SLC5A7: variants seen among roughly 807,000 people sequenced by gnomAD.
The protein encoded by SLC5A7 is high affinity choline transporter 1.
In SLC5A7, 19 loss-of-function variants were observed where a neutral mutation model predicts 55.4. That is an observed-to-expected ratio of 0.34 (90% CI 0.24 to 0.50). The LOEUF is 0.50. Among genes scored for constraint, SLC5A7 ranks in the 20% least tolerant of loss-of-function variants. The pLI, the probability that SLC5A7 is intolerant of heterozygous loss-of-function variation, is 0.98. For missense variants in SLC5A7, 506 were observed against 705.3 expected, an observed-to-expected ratio of 0.72 and a Z score of 3.20; for synonymous variants, 265 against 263.7, an observed-to-expected ratio of 1.00 and a Z score of -0.05.
At position 107,988,140 on chromosome 2, in the gene SLC5A7, G is replaced by A. The variant is rs1677317072; in HGVS notation, c.-16G>A. 1 of 1,609,844 alleles carries A rather than the reference G, an allele frequency of 6.2e-7. No homozygotes were observed. Among genetic ancestry groups the A allele is most frequent in the Non-Finnish European group, 8.5e-7 (1 of 1,176,712 alleles). On this transcript the variant is annotated 5_prime_UTR_variant, in exon 2 of 9. Transcript: ENST00000264047. ...GAAGTAGCCAGCTGCAGAAGAATCT[G>A]GATCATTAGATAAAAATGGCTTTCC...
At chr2:108,006,262 C>G in intron 7 of SLC5A7, 60 bp downstream of exon 7, 1 of 1,584,718 alleles carries the variant, frequency 6.3e-7, no homozygotes, top group East Asian at 2.2e-5. Flanking sequence ...CACCCAGACA[C>G]CCTTCTGTCC....
intron 7 of SLC5A7, among the ~76,000 whole-genome samples, chr2:108,007,582 A>G (rs920241711): frequency 6.6e-6 from 1 of 152,112 alleles, no homozygotes; most frequent in African/African-American, 2.4e-5. Context: ...TTAGATACAC[A>G]TTCTTGTTTG....
chr2:107,992,892 C>A (rs1677504213), intron 3 of SLC5A7, 80 bp from the exon 4 acceptor site: 5 of 1,502,698 alleles, frequency 3.3e-6, no homozygotes, highest in Non-Finnish European at 4.5e-6. Flanking sequence ...AATGCATTTT[C>A]CTTGATAAAT....
intron 3 of SLC5A7, among the ~76,000 whole-genome samples, chr2:107,992,500 A>T (rs1402433149): frequency 6.6e-6 from 1 of 152,220 alleles, no homozygotes; most frequent in Non-Finnish European, 1.5e-5. Flanking sequence ...TTTCAAAACA[A>T]GTATGGATAT....
chr2:108,001,510 A>G (rs1677898035), intron 5 of SLC5A7, among the ~76,000 whole-genome samples: 2 of 151,336 alleles, frequency 1.3e-5, no homozygotes. Context: ...CGTCTCTACT[A>G]AAAATACAAA....
intron 7 of SLC5A7, among the ~76,000 whole-genome samples, chr2:108,007,052 G>T (rs536103097): frequency 6.6e-6 from 1 of 152,120 alleles, no homozygotes; most frequent in Admixed American, 6.5e-5. Context: ...ATGTTCAAAA[G>T]CTCACCTTTA....
chr2:107,997,550 A>T (rs1677714216), intron 4 of SLC5A7, among the ~76,000 whole-genome samples: 1 of 152,230 alleles, frequency 6.6e-6, no homozygotes, highest in South Asian at 2.1e-4. Flanking sequence ...AATGTAATTA[A>T]ATTTCTCAGT....
rs768759762 is a variant in SLC5A7 at position 108,010,530 on chromosome 2, G to T, written c.1412G>T (p.Gly471Val). 1 of 1,613,724 alleles carries T rather than the reference G, an allele frequency of 6.2e-7. No homozygotes were observed. Among genetic ancestry groups the T allele is most frequent in the Non-Finnish European group, 8.5e-7 (1 of 1,179,830 alleles). The part of the protein sequence containing the change: ...FYPGYYPDDN[G>V]IYNQKFPFKT... Reference sequence around the variant, plus strand: ...CCTGGCTATTACCCTGATGATAATGGTATATATAATCAGAAATTTCCATTT... The same window carrying T: ...CCTGGCTATTACCCTGATGATAATGTTATATATAATCAGAAATTTCCATTT... The change falls in exon 9 of 9, where the codon GGT becomes GTT. Residue 471 changes from glycine to valine, a missense_variant. This residue lies in a region of SLC5A7 where 137 missense variants were observed against 143.6 expected (regional missense o/e 0.95). Transcript: ENST00000264047.
rs200721393 is a variant in SLC5A7, at chr2:108,001,689, AG to A, written c.598-207del. Among the ~76,000 whole-genome samples, 1,135 of 145,504 alleles carry A rather than the reference AG, an allele frequency of 7.8e-3. 50 individuals carry two copies. Among genetic ancestry groups the A allele is most frequent in the African/African-American group, 0.03 (1,095 of 36,208 alleles). ...CTCCGTCTCAAAAAAAAAAAAAAAA[AG>A]AAAAGAAATAGTCAATGTGTTATTT... On this transcript the variant is annotated intron_variant, in intron 5 of 8. Coordinates refer to ENST00000264047, the MANE Select transcript of SLC5A7 (RefSeq NM_021815.5).
intron 5 of SLC5A7, among the ~76,000 whole-genome samples, chr2:107,998,354 G>A (rs1277796591): frequency 2.0e-5 from 3 of 152,096 alleles, no homozygotes; most frequent in South Asian, 2.1e-4. Flanking sequence ...CTCCCTTTAC[G>A]TTAGTTGGTG....
At chr2:107,994,009 G>T (rs562634502) in intron 4 of SLC5A7, among the ~76,000 whole-genome samples, 3 of 152,280 alleles carry the variant, frequency 2.0e-5, no homozygotes, top group South Asian at 2.1e-4. Context: ...TAACTTACAT[G>T]AGAAAGCTTG....
chr2:108,001,158 C>A (rs76605307), intron 5 of SLC5A7, among the ~76,000 whole-genome samples: 1 of 151,878 alleles, frequency 6.6e-6, no homozygotes, highest in African/African-American at 2.4e-5. Context: ...CTCCTCCCCC[C>A]ACCCACACAC....
chr2:108,001,147 C>T (rs1007336566), intron 5 of SLC5A7, among the ~76,000 whole-genome samples: 22 of 151,776 alleles, frequency 1.4e-4, no homozygotes, highest in African/African-American at 5.1e-4. Context: ...ACATCCCTCC[C>T]CTCCTCCCCC....
intron 5 of SLC5A7, among the ~76,000 whole-genome samples, chr2:108,000,089 A>C (rs1265024047): frequency 1.3e-5 from 2 of 151,964 alleles, no homozygotes; most frequent in Non-Finnish European, 1.5e-5. Flanking sequence ...ATCCATCTTT[A>C]TCTCTCCCAT....
intron 8 of SLC5A7, among the ~76,000 whole-genome samples, chr2:108,009,270 G>C (rs1253537636): frequency 6.6e-6 from 1 of 151,910 alleles, no homozygotes; most frequent in African/African-American, 2.4e-5. Context: ...GCTTTGTTTT[G>C]TTTTGATTTT....
rs1359277359 is a variant in SLC5A7 at position 108,011,656 on chromosome 2, CT to C, written c.*798del. ...AATAGGAAGAACAGTACATTTTTGT[CT>C]TTATCTCAAGTATATAAAGTTTTGC... On this transcript the variant is annotated 3_prime_UTR_variant, in exon 9 of 9. Transcript: ENST00000264047. 1 of 152,022 alleles carries C rather than the reference CT, an allele frequency of 6.6e-6. No individual in the cohort carries two copies. Among genetic ancestry groups the C allele is most frequent in the Non-Finnish European group, 1.5e-5 (1 of 67,980 alleles). The allele number at this position is 152,022 out of a possible 1,614,324, so 9.4% of individuals were successfully genotyped here.
chr2:107,998,276 A>G (rs1677755202), intron 5 of SLC5A7, among the ~76,000 whole-genome samples: 1 of 152,166 alleles, frequency 6.6e-6, no homozygotes, highest in Non-Finnish European at 1.5e-5. Context: ...TCCTTTTAGT[A>G]TTTAAGGCAA....
chr2:107,987,364 A>G (rs1400190529), intron 1 of SLC5A7, among the ~76,000 whole-genome samples: 1 of 152,214 alleles, frequency 6.6e-6, no homozygotes, highest in East Asian at 1.9e-4. Flanking sequence ...AACAACAGCA[A>G]CAACAACAAC....
intron 2 of SLC5A7, among the ~76,000 whole-genome samples, chr2:107,988,855 C>T (rs1425146598): frequency 3.3e-5 from 5 of 152,102 alleles, no homozygotes; most frequent in Admixed American, 2.0e-4. Context: ...GTTTTGAAAC[C>T]TAATTCTTTC....
Sources: allele counts gnomAD v4.1 joint callset (sites outside exome capture counted in the v4.1 genomes callset), GRCh38; gene constraint gnomAD v4.1.1; regional missense constraint gnomAD v4.1.1; transcripts MANE v1.5; gene names NCBI Gene and HGNC (gene_info 2026-07-23, HGNC 2026-07-21).